The following PPARGC1A variants were observed in gnomAD, a reference collection of about 807,000 sequenced individuals.
PPARGC1A encodes PPARG coactivator 1 alpha, also known as peroxisome proliferator-activated receptor gamma coactivator 1-alpha.
Under a neutral mutation model 88.7 loss-of-function variants are expected in PPARGC1A, and 25 were observed. The observed-to-expected ratio is 0.28, with a 90% CI of 0.21 to 0.39. PPARGC1A has a LOEUF of 0.39. PPARGC1A is among the 10% of genes least tolerant of loss of function. The pLI is 1.00. For missense variants in PPARGC1A, 880 were observed against 968.7 expected, an observed-to-expected ratio of 0.91 and a Z score of 1.22; for synonymous variants, 363 against 355.6, an observed-to-expected ratio of 1.02 and a Z score of -0.24.
chr4:23,864,611 G>A (rs140960533), intron 2 of PPARGC1A, among the ~76,000 whole-genome samples: 6 of 152,294 alleles, frequency 3.9e-5, no homozygotes, highest in Non-Finnish European at 2.9e-5. Flanking sequence ...AAAGTCTTTC[G>A]CAGCAGACTG....
chr4:24,023,584 T>C, the PPARGC1A span, among the ~76,000 whole-genome samples: 3 of 152,200 alleles, frequency 2.0e-5, no homozygotes, highest in African/African-American at 7.2e-5. Flanking sequence ...CCTGGGGCCA[T>C]AGGCTTAAGT....
At chr4:24,339,231 T>TACACAC in the PPARGC1A span, among the ~76,000 whole-genome samples, 4 of 121,354 alleles carry the variant, frequency 3.3e-5, no homozygotes, top group African/African-American at 1.3e-4. Flanking sequence ...TATATATATA[T>TACACAC]ATATATACAC....
upstream of PPARGC1A, among the ~76,000 whole-genome samples, chr4:23,900,233 T>C (rs1719165547): frequency 6.6e-6 from 1 of 152,224 alleles, no homozygotes; most frequent in African/African-American, 2.4e-5. Context: ...ATAAGTGAAG[T>C]GAAGGAATAT....
chr4:24,232,024 G>A, the PPARGC1A span, among the ~76,000 whole-genome samples: 1 of 152,136 alleles, frequency 6.6e-6, no homozygotes, highest in Non-Finnish European at 1.5e-5. Context: ...TTCTGTGGCT[G>A]TCTTCAAATA....
At chr4:24,093,953 A>C in the PPARGC1A span, among the ~76,000 whole-genome samples, 1 of 151,908 alleles carries the variant, frequency 6.6e-6, no homozygotes, top group African/African-American at 2.4e-5. Flanking sequence ...CCACAGCAAG[A>C]TAGCATTTCC....
chr4:24,083,435 C>G, the PPARGC1A span, among the ~76,000 whole-genome samples: 2 of 152,194 alleles, frequency 1.3e-5, no homozygotes, highest in Non-Finnish European at 2.9e-5. Flanking sequence ...CAACTAACCA[C>G]TCAGCATTCT....
At chr4:23,970,776 C>T in the PPARGC1A span, among the ~76,000 whole-genome samples, 3 of 152,236 alleles carry the variant, frequency 2.0e-5, no homozygotes, top group South Asian at 6.2e-4. Flanking sequence ...AATACCAGGT[C>T]GGTATCTATT....
the PPARGC1A span, among the ~76,000 whole-genome samples, chr4:24,384,698 C>T: frequency 6.6e-6 from 1 of 152,022 alleles, no homozygotes; most frequent in Non-Finnish European, 1.5e-5. Context: ...GCTAACTATC[C>T]TAAATATATA....
At chr4:23,889,228 G>C in intron 1 of PPARGC1A, 3 of 985,370 alleles carry the variant, frequency 3.0e-6, no homozygotes, top group Non-Finnish European at 3.6e-6. Context: ...CCGTGGTACA[G>C]GAAGATTTAA....
chr4:24,312,856 T>G, the PPARGC1A span, among the ~76,000 whole-genome samples: 1 of 152,076 alleles, frequency 6.6e-6, no homozygotes, highest in Non-Finnish European at 1.5e-5. Flanking sequence ...AAGAGAAAGA[T>G]TTCAAATTTT....
the PPARGC1A span, among the ~76,000 whole-genome samples, chr4:23,971,423 G>A: frequency 6.6e-6 from 1 of 152,162 alleles, no homozygotes; most frequent in Non-Finnish European, 1.5e-5. Context: ...TAATAGGACA[G>A]AAAAATATAT....
chr4:23,998,328 G>A, the PPARGC1A span, among the ~76,000 whole-genome samples: 1 of 152,026 alleles, frequency 6.6e-6, no homozygotes, highest in Non-Finnish European at 1.5e-5. Flanking sequence ...TAATAATTAT[G>A]TATATTGCTT....
the PPARGC1A span, among the ~76,000 whole-genome samples, chr4:24,090,415 T>C: frequency 6.6e-6 from 1 of 152,198 alleles, no homozygotes; most frequent in African/African-American, 2.4e-5. Flanking sequence ...TACCAGTCAA[T>C]ACCAGTATTA....
At chr4:24,071,806 C>A in the PPARGC1A span, among the ~76,000 whole-genome samples, 1 of 152,028 alleles carries the variant, frequency 6.6e-6, no homozygotes, top group East Asian at 1.9e-4. Context: ...GGTCCCAGAC[C>A]CTGTCTGAAC....
At chr4:24,255,658 A>G in the PPARGC1A span, among the ~76,000 whole-genome samples, 1 of 152,188 alleles carries the variant, frequency 6.6e-6, no homozygotes, top group Non-Finnish European at 1.5e-5. Context: ...TTTAGGAATG[A>G]TGTTTCATTT....
chr4:24,220,583 A>G, the PPARGC1A span, among the ~76,000 whole-genome samples: 2 of 152,204 alleles, frequency 1.3e-5, no homozygotes, highest in Non-Finnish European at 2.9e-5. Flanking sequence ...CAACATGGAT[A>G]TAGCTGGGGG....
At chr4:24,007,455 T>A in the PPARGC1A span, among the ~76,000 whole-genome samples, 88,773 of 151,924 alleles carry the variant, frequency 0.58, 26,458 homozygotes, top group African/African-American at 0.66. Context: ...AGTAAAGGAC[T>A]CCATGGAGAG....
chr4:24,326,024 G>A, the PPARGC1A span, among the ~76,000 whole-genome samples: 7 of 151,208 alleles, frequency 4.6e-5, no homozygotes, highest in East Asian at 2.0e-4. Context: ...GACTATAGCC[G>A]CTGATCTCAT....
At chr4:24,162,535 G>C in the PPARGC1A span, among the ~76,000 whole-genome samples, 1 of 151,168 alleles carries the variant, frequency 6.6e-6, no homozygotes, top group Non-Finnish European at 1.5e-5. Context: ...ATCTTACTAA[G>C]ATGAAGTGGG....
Sources: gnomAD v4.1 joint callset for allele counts (sites outside exome capture counted in the v4.1 genomes callset) on GRCh38, gnomAD v4.1.1 for gene constraint, MANE v1.5 for transcripts, NCBI Gene and HGNC (gene_info 2026-07-23, HGNC 2026-07-21) for gene names.